Variants in FYN observed in about 807,000 individuals in gnomAD.
FYN encodes tyrosine-protein kinase Fyn.
In FYN, 10 loss-of-function variants were observed where a neutral mutation model predicts 70.2. That is an observed-to-expected ratio of 0.14 (90% CI 0.09 to 0.24). FYN has a LOEUF of 0.24. Among genes scored for constraint, FYN ranks in the 10% least tolerant of loss-of-function variants. FYN has a pLI of 1.00. For synonymous variants in FYN, 236 were observed against 248.6 expected (o/e 0.95, Z 0.48); for missense variants, 319 against 673.1 (o/e 0.47, Z 5.82).
At chr6:111,799,930 C>T (rs1771931137) in intron 2 of FYN, among the ~76,000 whole-genome samples, 1 of 152,208 alleles carries the variant, frequency 6.6e-6, no homozygotes, top group Non-Finnish European at 1.5e-5. Flanking sequence ...ATGGACAAAC[C>T]TCGCAGCTTC....
chr6:111,790,816 C>T lies in FYN; in HGVS notation c.-81-10181G>A, dbSNP rs370922670. Among the ~76,000 whole-genome samples, 48 of 152,238 alleles carry T rather than the reference C, an allele frequency of 3.2e-4. 1 individual carries two copies. The highest frequency in any genetic ancestry group is 1.2e-3 in the African/African-American group (48 of 41,540). ...TTTTTATTTCATCAACACAAATCTCCATCAAAAGAATACCTAATACCTAGG... is the reference window on the plus strand; with the variant it reads ...TTTTTATTTCATCAACACAAATCTCTATCAAAAGAATACCTAATACCTAGG... On this transcript the variant is annotated intron_variant, in intron 2 of 13. Transcript: ENST00000354650.
intron 4 of FYN, chr6:111,719,574 A>C (rs1583357490): frequency 2.0e-6 from 1 of 498,428 alleles, no homozygotes; most frequent in East Asian, 3.4e-5. Flanking sequence ...CCCATATAGA[A>C]TCCTCAGAAA....
intron 1 of FYN, among the ~76,000 whole-genome samples, chr6:111,870,756 T>A (rs1454387702): frequency 6.6e-6 from 1 of 152,204 alleles, no homozygotes; most frequent in African/African-American, 2.4e-5. Flanking sequence ...TAAAAAGGAC[T>A]TCGAGCAAGT....
intron 2 of FYN, among the ~76,000 whole-genome samples, chr6:111,804,045 T>A (rs1772071610): frequency 6.6e-6 from 1 of 152,230 alleles, no homozygotes; most frequent in South Asian, 2.1e-4. Flanking sequence ...ACAGTGTGGA[T>A]ACAGCTACTA....
At chr6:111,693,001 C>A (rs997000208) in intron 12 of FYN, among the ~76,000 whole-genome samples, 1 of 152,222 alleles carries the variant, frequency 6.6e-6, no homozygotes, top group East Asian at 1.9e-4. Flanking sequence ...GCTGTGTGGG[C>A]ATTTGGCTCC....
intron 3 of FYN, among the ~76,000 whole-genome samples, chr6:111,738,616 C>T (rs1801810220): frequency 6.6e-6 from 1 of 152,232 alleles, no homozygotes; most frequent in East Asian, 1.9e-4. Context: ...TCACCCCTAG[C>T]TGTCTGAGCA....
intron 3 of FYN, among the ~76,000 whole-genome samples, chr6:111,752,546 T>G (rs995080505): frequency 6.6e-6 from 1 of 152,168 alleles, no homozygotes; most frequent in South Asian, 2.1e-4. Context: ...GGTTGAGACA[T>G]TCCTGGCCAC....
At chr6:111,832,922 A>T in intron 2 of FYN, among the ~76,000 whole-genome samples, 1 of 152,192 alleles carries the variant, frequency 6.6e-6, no homozygotes, top group Non-Finnish European at 1.5e-5. Flanking sequence ...AGAAATAACA[A>T]GTTAAAAAAA....
chr6:111,866,984 T>C (rs963176499), intron 1 of FYN, among the ~76,000 whole-genome samples: 1 of 152,162 alleles, frequency 6.6e-6, no homozygotes, highest in African/African-American at 2.4e-5. Context: ...TTTTTGTTCT[T>C]TATGTTGCTC....
At position 111,795,348 on chromosome 6, in the gene FYN, A is replaced by G. The variant is rs75124319; in HGVS notation, c.-81-14713T>C. 5.8e-3 allele frequency among the ~76,000 whole-genome samples: 889 copies of G among 152,344 alleles called. 11 individuals are homozygous for G. Among genetic ancestry groups the G allele is most frequent in the African/African-American group, 0.02 (823 of 41,556 alleles). ...GGACAAAGAGAAAAGACAGCCATCT[A>G]CAAGCCAAAGAGAGAGGCCTCAGGA... On this transcript the variant is annotated intron_variant, in intron 2 of 13. Coordinates refer to ENST00000354650, the MANE Select transcript of FYN (RefSeq NM_002037.5).
At chr6:111,674,460 T>G in intron 13 of FYN, 39 bp downstream of exon 13, 1 of 1,573,056 alleles carries the variant, frequency 6.4e-7, no homozygotes, top group South Asian at 1.2e-5. Flanking sequence ...CAAAAAAGCC[T>G]CCAATCTCAG....
At chr6:111,845,852 G>C (rs1442824110) in intron 2 of FYN, among the ~76,000 whole-genome samples, 1 of 152,206 alleles carries the variant, frequency 6.6e-6, no homozygotes, top group Non-Finnish European at 1.5e-5. Context: ...TGGGGAGGCA[G>C]AGAGACGTAC....
chr6:111,777,609 A>G (rs1448521386), intron 3 of FYN, among the ~76,000 whole-genome samples: 1 of 152,172 alleles, frequency 6.6e-6, no homozygotes, highest in African/African-American at 2.4e-5. Context: ...AAATGGCTTC[A>G]GATATTACCA....
intron 13 of FYN, among the ~76,000 whole-genome samples, chr6:111,663,308 T>C (rs1384339031): frequency 2.6e-5 from 4 of 152,238 alleles, no homozygotes; most frequent in African/African-American, 9.6e-5. Context: ...ACACACCATA[T>C]GCATGGAGCT....
chr6:111,864,722 G>A (rs1229346652), intron 1 of FYN, among the ~76,000 whole-genome samples: 7 of 152,204 alleles, frequency 4.6e-5, no homozygotes, highest in African/African-American at 1.7e-4. Flanking sequence ...GGACACAGAA[G>A]TAACTGCAAA....
At chr6:111,823,018 C>T (rs1175417966) in intron 2 of FYN, among the ~76,000 whole-genome samples, 1 of 152,232 alleles carries the variant, frequency 6.6e-6, no homozygotes, top group Non-Finnish European at 1.5e-5. Flanking sequence ...GTGCACATCA[C>T]ATGCCACAGG....
chr6:111,749,618 T>G (rs1802396230), intron 3 of FYN, among the ~76,000 whole-genome samples: 1 of 152,224 alleles, frequency 6.6e-6, no homozygotes, highest in South Asian at 2.1e-4. Context: ...GTTCAAAGCA[T>G]GTAATTATCT....
chr6:111,850,636 A>G (rs1295093427), intron 1 of FYN, among the ~76,000 whole-genome samples: 4 of 152,252 alleles, frequency 2.6e-5, no homozygotes, highest in Admixed American at 2.6e-4. Flanking sequence ...AATTCCAAAG[A>G]AGGCTGAGAC....
At chr6:111,799,892 C>T (rs972939558) in intron 2 of FYN, among the ~76,000 whole-genome samples, 3 of 152,296 alleles carry the variant, frequency 2.0e-5, no homozygotes, top group East Asian at 1.9e-4. Context: ...AAGGCAGCCA[C>T]GGGTGACATT....
Sources: allele counts gnomAD v4.1 joint callset (sites outside exome capture counted in the v4.1 genomes callset), GRCh38; gene constraint gnomAD v4.1.1; transcripts MANE v1.5; gene names NCBI Gene and HGNC (gene_info 2026-07-23, HGNC 2026-07-21).